COL22A1: variants seen among roughly 807,000 people sequenced by gnomAD.
COL22A1 encodes the protein collagen alpha-1(XXII) chain.
Under a neutral mutation model 248.9 loss-of-function variants are expected in COL22A1, and 221 were observed. The ratio of observed to expected loss-of-function variants is 0.89; its 90% confidence interval spans 0.80 to 0.99. The LOEUF is 0.99. Among genes scored for constraint, COL22A1 ranks in the 50% least tolerant of loss-of-function variants. The probability of loss-of-function intolerance (pLI) is 0.00; values close to 1 mark genes in which losing one functional copy is unlikely to be tolerated. For missense variants in COL22A1, 2,240 were observed against 2,179.0 expected (o/e 1.03, Z -0.56); for synonymous variants, 891 against 793.4 (o/e 1.12, Z -2.07).
At chr8:138,759,758 C>A (rs1224866355) in intron 18 of COL22A1, among the ~76,000 whole-genome samples, 1 of 152,092 alleles carries the variant, frequency 6.6e-6, no homozygotes, top group South Asian at 2.1e-4. Flanking sequence ...AAGTAAGATA[C>A]AACCCTTATT....
rs1161863061 is a variant in COL22A1, at chr8:138,599,107, C to T, written c.4186-209G>A. 7.2e-5 allele frequency among the ~76,000 whole-genome samples: 11 copies of T among 152,164 alleles called. 1 individual carries two copies. The highest frequency in any genetic ancestry group is 1.0e-4 in the Non-Finnish European group (7 of 68,032). On this transcript the variant is annotated intron_variant, in intron 60 of 64. Coordinates refer to ENST00000303045, the MANE Select transcript of COL22A1 (RefSeq NM_152888.3). ...TGTACAAATGAAAATATGGGGGAGG[C>T]TGAGGCTGGCAGATCATGAGGTCAG...
intron 10 of COL22A1, among the ~76,000 whole-genome samples, chr8:138,804,717 GGTGTGTGTGATGAGGGGT>G (rs1246042057): frequency 5.5e-4 from 83 of 151,688 alleles, no homozygotes; most frequent in South Asian, 8.3e-4. Flanking sequence ...AGAGTGTGAT[GGTGTGTGTGATGAGGGGT>G]GTGTATGTGA....
intron 50 of COL22A1, 77 bp from the exon 51 acceptor site, chr8:138,626,320 G>T: frequency 8.8e-7 from 1 of 1,139,008 alleles, no homozygotes; most frequent in Non-Finnish European, 1.3e-6. Flanking sequence ...ACAAGGAACT[G>T]CATTCATGGG....
At chr8:138,837,669 G>A (rs1293019327) in intron 4 of COL22A1, among the ~76,000 whole-genome samples, 1 of 152,216 alleles carries the variant, frequency 6.6e-6, no homozygotes, top group African/African-American at 2.4e-5. Context: ...GTGTCCTGGG[G>A]CCTGAGGAGC....
intron 1 of COL22A1, among the ~76,000 whole-genome samples, chr8:138,886,647 G>A (rs1824687552): frequency 6.6e-6 from 1 of 152,184 alleles, no homozygotes; most frequent in Non-Finnish European, 1.5e-5. Context: ...TTACTTAAGT[G>A]CCTATTACTA....
chr8:138,819,658 A>G, intron 7 of COL22A1, among the ~76,000 whole-genome samples: 1 of 148,004 alleles, frequency 6.8e-6, no homozygotes, highest in African/African-American at 2.5e-5. Context: ...AAATTAAATA[A>G]ACATTATCTA....
intron 2 of COL22A1, among the ~76,000 whole-genome samples, chr8:138,881,553 C>T (rs1224095345): frequency 6.6e-6 from 1 of 152,148 alleles, no homozygotes; most frequent in Non-Finnish European, 1.5e-5. Context: ...GGCATGGTGG[C>T]AGGCGCCTGT....
At chr8:138,842,500 T>C (rs1820958558) in intron 4 of COL22A1, among the ~76,000 whole-genome samples, 1 of 152,130 alleles carries the variant, frequency 6.6e-6, no homozygotes, top group Admixed American at 6.5e-5. Context: ...CAGGGAAAAG[T>C]TGCGCAGACA....
At position 138,901,375 on chromosome 8, in the gene COL22A1, T is replaced by TTTTG. The variant is rs1029400359; in HGVS notation, c.-73+12243_-73+12244insCAAA. Among the ~76,000 whole-genome samples, 90 of 143,840 alleles carry TTTTG rather than the reference T, an allele frequency of 6.3e-4. 1 individual carries two copies. The South Asian group carries it at 0.013, about 22-fold the overall frequency. 94.4% of individuals were successfully genotyped at this position (143,840 alleles called of 152,430 possible). A position where few individuals can be genotyped will look rare whatever the true frequency, so the allele number is the denominator to read the frequency against. The stretch of plus-strand genomic sequence containing the variant: ...ACTGGCAGGTTTTTTTTTTGTTTTT[T>TTTTG]TTTTTTTTTGAGACAGTCTCTCACT... On this transcript the variant is annotated intron_variant, in intron 1 of 64. Coordinates refer to ENST00000303045, the MANE Select transcript of COL22A1 (RefSeq NM_152888.3).
chr8:138,720,454 G>A (rs1829784444), intron 27 of COL22A1, among the ~76,000 whole-genome samples: 1 of 152,002 alleles, frequency 6.6e-6, no homozygotes, highest in African/African-American at 2.4e-5. Flanking sequence ...GGCTCTCGTG[G>A]GGGATAGTGC....
intron 37 of COL22A1, 76 bp downstream of exon 37, chr8:138,688,841 G>C: frequency 7.8e-7 from 1 of 1,281,024 alleles, no homozygotes; most frequent in Non-Finnish European, 1.1e-6. Flanking sequence ...GGCCCGAGCA[G>C]AGTGAGCTGC....
At chr8:138,748,475 C>A (rs554823449) in intron 22 of COL22A1, among the ~76,000 whole-genome samples, 1 of 152,202 alleles carries the variant, frequency 6.6e-6, no homozygotes, top group Non-Finnish European at 1.5e-5. Flanking sequence ...CACAGCCGCA[C>A]GTGCGAATCC....
At chr8:138,630,145 C>T (rs758180968) in intron 50 of COL22A1, among the ~76,000 whole-genome samples, 7 of 152,164 alleles carry the variant, frequency 4.6e-5, no homozygotes, top group Non-Finnish European at 5.9e-5. Context: ...GTGGTTCTGG[C>T]AGCTTCAAGA....
At chr8:138,750,550 A>G (rs1832511043) in intron 22 of COL22A1, among the ~76,000 whole-genome samples, 1 of 152,090 alleles carries the variant, frequency 6.6e-6, no homozygotes, top group Non-Finnish European at 1.5e-5. Flanking sequence ...TCACTGAGCT[A>G]CAGATTGTGC....
chr8:138,690,936 C>T (rs1284073405), intron 35 of COL22A1, 62 bp from the exon 36 acceptor site: 54 of 1,374,204 alleles, frequency 3.9e-5, no homozygotes, highest in Non-Finnish European at 5.3e-5. Context: ...TGCCCCCACT[C>T]TCTCTGCAAA....
chr8:138,806,592 G>A (rs1379073691), intron 10 of COL22A1, among the ~76,000 whole-genome samples: 1 of 152,146 alleles, frequency 6.6e-6, no homozygotes, highest in Non-Finnish European at 1.5e-5. Context: ...TCACCATTTC[G>A]GCTTTTGATT....
intron 1 of COL22A1, among the ~76,000 whole-genome samples, chr8:138,904,583 A>G (rs7824825): frequency 0.23 from 34,647 of 151,500 alleles, 4,448 homozygotes; most frequent in African/African-American, 0.36. Flanking sequence ...TTTCTTTCTC[A>G]TTTTCAGTAT....
At chr8:138,832,643 C>T (rs1055616330) in intron 5 of COL22A1, among the ~76,000 whole-genome samples, 5 of 152,160 alleles carry the variant, frequency 3.3e-5, no homozygotes. Flanking sequence ...TCTCAACTGA[C>T]CAAAGCCACT....
rs905328161 is a variant in COL22A1 at position 138,812,936 on chromosome 8, C to T, written c.1326+3G>A. On this transcript the variant is annotated splice_donor_region_variant and intron_variant, in intron 8 of 64. Coordinates refer to ENST00000303045, the MANE Select transcript of COL22A1 (RefSeq NM_152888.3). ...CATCCTCTCTGTGCGAGAGTCTGCTCACCGGACCCGAGGGGATATCACAAC... is the reference window on the plus strand; with the variant it reads ...CATCCTCTCTGTGCGAGAGTCTGCTTACCGGACCCGAGGGGATATCACAAC... 25 of 1,610,760 alleles carry T rather than the reference C, an allele frequency of 1.6e-5. No homozygotes were observed. The highest frequency in any genetic ancestry group is 2.0e-5 in the Non-Finnish European group (24 of 1,177,096).
Sources: allele counts gnomAD v4.1 joint callset (sites outside exome capture counted in the v4.1 genomes callset), GRCh38; gene constraint gnomAD v4.1.1; transcripts MANE v1.5; gene names NCBI Gene and HGNC (gene_info 2026-07-23, HGNC 2026-07-21).